USH2A: variants seen among roughly 807,000 people sequenced by gnomAD.
The protein encoded by USH2A is usherin.
USH2A carries 443 observed loss-of-function variants against 538.9 expected under a neutral mutation model. The observed-to-expected ratio is 0.82, with a 90% CI of 0.76 to 0.89. USH2A has a LOEUF of 0.89. Among genes scored for constraint, USH2A ranks in the 40% least tolerant of loss-of-function variants. USH2A has a pLI of 0.00. For synonymous variants in USH2A, 2,413 were observed against 2,273.5 expected (o/e 1.06, Z -1.75); for missense variants, 6,633 against 6,324.8 (o/e 1.05, Z -1.65).
intron 32 of USH2A, among the ~76,000 whole-genome samples, chr1:216,042,026 T>C (rs1353791104): frequency 6.6e-6 from 1 of 151,980 alleles, no homozygotes; most frequent in African/African-American, 2.4e-5. Flanking sequence ...TGTCAAGATA[T>C]TTAAAATAGA....
chr1:216,096,524 CTTTAT>C (rs941593605), intron 22 of USH2A, among the ~76,000 whole-genome samples: 17 of 152,216 alleles, frequency 1.1e-4, no homozygotes, highest in African/African-American at 3.6e-4. Flanking sequence ...CAATTTATTT[CTTTAT>C]TTTATGTTCC....
chr1:215,660,046 A>G (rs1006968647), intron 64 of USH2A, among the ~76,000 whole-genome samples: 5 of 152,198 alleles, frequency 3.3e-5, no homozygotes, highest in Non-Finnish European at 7.4e-5. Context: ...TAAATATTTC[A>G]TTGATTTTTG....
Position 215,782,075 on chromosome 1 carries a change from A to G in USH2A, c.10707T>C (p.Ala3569=). ...TGGTGGCACAGCCAGCAACCGTGCA[A>G]GCTTTCAGCTGATATGAATATTCCT... is the stretch of plus-strand genomic sequence containing the variant. ...PFQEYSYQLK[A]CTVAGCATSS... Residue 3569 remains alanine (A), a synonymous_variant, in exon 54 of 72, where the codon GCT becomes GCC. Transcript: ENST00000307340. 2 of 1,614,038 alleles carry G rather than the reference A, an allele frequency of 1.2e-6. No individual in the cohort carries two copies. The highest frequency in any genetic ancestry group is 1.7e-6 in the Non-Finnish European group (2 of 1,179,904).
intron 61 of USH2A, among the ~76,000 whole-genome samples, chr1:215,708,432 G>A (rs531438382): frequency 6.6e-6 from 1 of 152,118 alleles, no homozygotes; most frequent in African/African-American, 2.4e-5. Context: ...GTTTTACAGC[G>A]AGGAGCTAAC....
At chr1:216,324,118 T>C (rs1281130039) in intron 7 of USH2A, 50 bp downstream of exon 7, 1 of 1,575,832 alleles carries the variant, frequency 6.3e-7, no homozygotes, top group South Asian at 1.1e-5. Flanking sequence ...ACTTGTACAT[T>C]ATTAATAACC....
chr1:215,726,318 A>G (rs930797013), intron 61 of USH2A, among the ~76,000 whole-genome samples: 16 of 152,212 alleles, frequency 1.1e-4, no homozygotes, highest in African/African-American at 3.6e-4. Flanking sequence ...ACATAATATA[A>G]AAGACTCTAG....
chr1:216,046,273 A>G (rs1258410445), intron 32 of USH2A, among the ~76,000 whole-genome samples, 158 bp downstream of exon 32: 1 of 152,120 alleles, frequency 6.6e-6, no homozygotes, highest in East Asian at 1.9e-4. Flanking sequence ...AATTTATATT[A>G]TTTTTAATTG....
intron 61 of USH2A, among the ~76,000 whole-genome samples, chr1:215,683,703 C>G (rs539278418): frequency 6.6e-6 from 1 of 151,746 alleles, no homozygotes; most frequent in Non-Finnish European, 1.5e-5. Context: ...ACTTTTCTTC[C>G]GTTTCTTCCT....
At chr1:215,724,513 C>T (rs11807322) in intron 61 of USH2A, among the ~76,000 whole-genome samples, 6,150 of 152,006 alleles carry the variant, frequency 0.04, 382 homozygotes, top group African/African-American at 0.13. Context: ...CTGATGGGTA[C>T]GATGTACATT....
chr1:216,381,447 A>G (rs2038921450), intron 3 of USH2A, among the ~76,000 whole-genome samples: 1 of 152,180 alleles, frequency 6.6e-6, no homozygotes. Context: ...GGAGGTAATC[A>G]CATTTACATT....
chr1:216,389,782 C>G (rs372334579), intron 3 of USH2A, among the ~76,000 whole-genome samples: 1 of 152,070 alleles, frequency 6.6e-6, no homozygotes, highest in Non-Finnish European at 1.5e-5. Flanking sequence ...TGCAATCTTG[C>G]CTCAAACACA....
chr1:215,966,376 T>A (rs948567082), intron 36 of USH2A, among the ~76,000 whole-genome samples: 1 of 152,168 alleles, frequency 6.6e-6, no homozygotes, highest in African/African-American at 2.4e-5. Flanking sequence ...CTCATAGATA[T>A]TTGACCTTTC....
chr1:216,303,054 G>C (rs2037243303), intron 9 of USH2A, among the ~76,000 whole-genome samples: 1 of 151,872 alleles, frequency 6.6e-6, no homozygotes, highest in Non-Finnish European at 1.5e-5. Context: ...TTAGGTATTT[G>C]ATTTCTCCTT....
chr1:216,098,383 A>G (rs148397744), intron 21 of USH2A, among the ~76,000 whole-genome samples: 2 of 152,362 alleles, frequency 1.3e-5, no homozygotes, highest in East Asian at 1.9e-4. Flanking sequence ...TCTCAAGAAC[A>G]CAATAGTGAA....
intron 67 of USH2A, among the ~76,000 whole-genome samples, chr1:215,646,395 T>TTTTTTTTTTTTTTTTTTTTTTGAGACGG (rs1656853189): frequency 6.6e-6 from 1 of 151,756 alleles, no homozygotes; most frequent in South Asian, 2.1e-4. Context: ...TTGCCATTAT[T>TTTTTTTTTTTTTTTTTTTTTTGAGACGG]AAACAATGAA....
chr1:216,335,705 C>T (rs1405127650), intron 4 of USH2A, among the ~76,000 whole-genome samples: 1 of 151,492 alleles, frequency 6.6e-6, no homozygotes, highest in Non-Finnish European at 1.5e-5. Context: ...AACACACAAA[C>T]TATGTAAACT....
intron 38 of USH2A, among the ~76,000 whole-genome samples, chr1:215,917,412 T>A (rs1665982677): frequency 6.6e-6 from 1 of 152,196 alleles, no homozygotes; most frequent in African/African-American, 2.4e-5. Flanking sequence ...AAAAATAATT[T>A]AAAATATATA....
intron 60 of USH2A, among the ~76,000 whole-genome samples, chr1:215,740,518 G>A (rs190034750): frequency 2.2e-3 from 335 of 152,330 alleles, no homozygotes; most frequent in African/African-American, 7.9e-3. Flanking sequence ...AACCAGTGGA[G>A]TGGAGGCTCA....
intron 36 of USH2A, among the ~76,000 whole-genome samples, chr1:215,968,271 T>A (rs1356680107): frequency 6.6e-6 from 1 of 152,112 alleles, no homozygotes; most frequent in Non-Finnish European, 1.5e-5. Context: ...TCCATAAGAG[T>A]CAAATACATT....
Sources: allele counts gnomAD v4.1 joint callset (sites outside exome capture counted in the v4.1 genomes callset), GRCh38; gene constraint gnomAD v4.1.1; transcripts MANE v1.5; gene names NCBI Gene and HGNC (gene_info 2026-07-23, HGNC 2026-07-21).